The following TIMMDC1 variants were observed in gnomAD, a reference collection of about 807,000 sequenced individuals.
TIMMDC1 encodes the protein complex I assembly factor TIMMDC1, mitochondrial.
A neutral mutation model predicts 32.6 loss-of-function variants in TIMMDC1; 25 were observed. The observed-to-expected ratio is 0.77, with a 90% confidence interval of 0.56 to 1.07. The LOEUF (loss-of-function observed/expected upper bound fraction) is 1.07. Ranked by LOEUF, TIMMDC1 falls within the 50% of genes least tolerant of loss-of-function variation. The pLI is 0.00. For synonymous variants in TIMMDC1, 130 were observed against 127.6 expected, an observed-to-expected ratio of 1.02 and a Z score of -0.13; for missense variants, 329 against 349.2, an observed-to-expected ratio of 0.94 and a Z score of 0.46.
intron 1 of TIMMDC1, among the ~76,000 whole-genome samples, chr3:119,499,153 G>C (rs2081848884): frequency 6.8e-6 from 1 of 147,082 alleles, no homozygotes; most frequent in Admixed American, 6.8e-5. Context: ...GAGTGCTGTG[G>C]TGCTATCTCG....
At chr3:119,514,275 G>A (rs1288758288) in intron 5 of TIMMDC1, among the ~76,000 whole-genome samples, 1 of 152,102 alleles carries the variant, frequency 6.6e-6, no homozygotes, top group Non-Finnish European at 1.5e-5. Context: ...AGTTGTTAAC[G>A]CCTTGGTGAT....
chr3:119,498,652 T>G lies in TIMMDC1; in HGVS notation c.-82T>G, dbSNP rs994397031. Reference sequence around the variant, plus strand: ...GTCAAATGCACGGATTCTCACCTCGTACAGTTACGCTCTCCCGCGGCACGT... The same window carrying G: ...GTCAAATGCACGGATTCTCACCTCGGACAGTTACGCTCTCCCGCGGCACGT... On this transcript the variant is annotated 5_prime_UTR_variant, in exon 1 of 7. Coordinates refer to ENST00000494664, the MANE Select transcript of TIMMDC1 (RefSeq NM_016589.4). The G allele has an allele frequency of 1.4e-6, 2 of 1,392,306 alleles. No individual in the cohort carries two copies. The highest frequency in any genetic ancestry group is 2.0e-6 in the Non-Finnish European group (2 of 998,036). 86.2% of individuals were successfully genotyped at this position (1,392,306 alleles called of 1,614,324 possible).
chr3:119,503,436 C>T, intron 2 of TIMMDC1, 96 bp from the exon 3 acceptor site: 1 of 826,568 alleles, frequency 1.2e-6, no homozygotes. Flanking sequence ...TTGGGTGTAC[C>T]TGACTAATCC....
In TIMMDC1 at chr3:119,498,860, C is replaced by T. The variant is rs1577093681; in HGVS notation, c.127C>T (p.Pro43Ser). The change falls in exon 1 of 7, where the codon CCC (proline) becomes TCC (serine). Residue 43 changes from proline to serine, a missense_variant. By Grantham distance (74) the Pro-to-Ser change is moderately conservative (BLOSUM62 -1). Transcript: ENST00000494664. ...CCTTGAGGAGCGTCAGAAGCGGCTT[C>T]CCTACGTCCCAGAGCCCTATTACCC... is the stretch of plus-strand genomic sequence containing the variant. ...EVLEERQKRL[P>S]YVPEPYYPES... 6.2e-7 allele frequency: 1 copy of T among 1,614,188 alleles called. No individual in the cohort carries two copies.
At chr3:119,513,461 A>G (rs893682949) in intron 4 of TIMMDC1, among the ~76,000 whole-genome samples, 180 bp from the exon 5 acceptor site, 15 of 152,234 alleles carry the variant, frequency 9.9e-5, no homozygotes, top group African/African-American at 3.6e-4. Context: ...TTGAATCTGC[A>G]GAGTGGATGG....
At chr3:119,499,090 T>TC (rs1166763494) in intron 1 of TIMMDC1, 163 bp downstream of exon 1, 1 of 571,472 alleles carries the variant, frequency 1.7e-6, no homozygotes, top group African/African-American at 2.2e-5. Context: ...TCTTTTTTCT[T>TC]TCTTTTTTTT....
At chr3:119,507,225 G>C (rs1040763199) in intron 4 of TIMMDC1, among the ~76,000 whole-genome samples, 1 of 152,088 alleles carries the variant, frequency 6.6e-6, no homozygotes, top group African/African-American at 2.4e-5. Context: ...GATTTCTTTA[G>C]CTTTCTCTTC....
intron 2 of TIMMDC1, 56 bp from the exon 3 acceptor site, chr3:119,503,476 G>A: frequency 3.5e-6 from 5 of 1,414,744 alleles, no homozygotes; most frequent in Non-Finnish European, 3.8e-6. Context: ...CGCAGTTCTA[G>A]AATAAGGAAA....
intron 4 of TIMMDC1, among the ~76,000 whole-genome samples, chr3:119,511,815 C>T (rs1348104447): frequency 1.3e-5 from 2 of 152,136 alleles, no homozygotes; most frequent in Non-Finnish European, 2.9e-5. Context: ...TAGGGAAAAA[C>T]AACTTTTTTC....
In TIMMDC1 at chr3:119,501,908, A is replaced by G. The variant is rs527346659; in HGVS notation, c.360+1048A>G. On this transcript the variant is annotated intron_variant, in intron 2 of 6. Coordinates refer to ENST00000494664, the MANE Select transcript of TIMMDC1 (RefSeq NM_016589.4). ...GGTTTCTCATGACTGCATTCAGACT[A>G]TGTTTTTTGACAGGAATACCCTAGA... Among the ~76,000 whole-genome samples the G allele has an allele frequency of 4.2e-4, 64 of 152,262 alleles. No homozygotes were observed. In the South Asian group the frequency reaches 0.013, roughly 31 times the overall value.
chr3:119,518,638 A>T (rs2082002139), intron 6 of TIMMDC1, among the ~76,000 whole-genome samples: 1 of 152,136 alleles, frequency 6.6e-6, no homozygotes, highest in African/African-American at 2.4e-5. Context: ...TGATTTTGAG[A>T]TGGAAAAGCT....
At chr3:119,520,870 C>A (rs776878254) in intron 6 of TIMMDC1, among the ~76,000 whole-genome samples, 2 of 151,974 alleles carry the variant, frequency 1.3e-5, no homozygotes, top group African/African-American at 4.8e-5. Flanking sequence ...AAGAGTACAT[C>A]AAAAAGATTA....
At chr3:119,520,976 G>GA (rs1047901211) in intron 6 of TIMMDC1, among the ~76,000 whole-genome samples, 8 of 151,718 alleles carry the variant, frequency 5.3e-5, no homozygotes, top group African/African-American at 1.9e-4. Flanking sequence ...CAGAAGGAAG[G>GA]AAAAAAACCA....
Position 119,521,425 on chromosome 3 carries a change from T to G in TIMMDC1, c.708-2181T>G, listed in dbSNP as rs2082026140. Among the ~76,000 whole-genome samples, 4 of 152,296 alleles carry G rather than the reference T, an allele frequency of 2.6e-5. No homozygotes were observed. In the South Asian group the frequency reaches 8.3e-4, roughly 32 times the overall value. The stretch of plus-strand genomic sequence containing the variant: ...CAAAAATTGTCATGGTGCACACCTG[T>G]AATCCCAACTGCGTGGGAGGCTGAG... On this transcript the variant is annotated intron_variant, in intron 6 of 6. Coordinates refer to ENST00000494664, the MANE Select transcript of TIMMDC1 (RefSeq NM_016589.4).
At chr3:119,520,252 G>T (rs2082016661) in intron 6 of TIMMDC1, among the ~76,000 whole-genome samples, 1 of 151,774 alleles carries the variant, frequency 6.6e-6, no homozygotes, top group Non-Finnish European at 1.5e-5. Flanking sequence ...TAAATAAAAA[G>T]ATCAGAGCAG....
chr3:119,515,565 A>G (rs1235922829), intron 5 of TIMMDC1, among the ~76,000 whole-genome samples: 3 of 152,222 alleles, frequency 2.0e-5, no homozygotes, highest in African/African-American at 7.2e-5. Context: ...CATGGGCATA[A>G]TATATTCACA....
At chr3:119,505,014 G>A (rs1458359364) in intron 4 of TIMMDC1, among the ~76,000 whole-genome samples, 1 of 151,094 alleles carries the variant, frequency 6.6e-6, no homozygotes. Flanking sequence ...GGAGGCAGAG[G>A]TTGCAGTGAG....
intron 1 of TIMMDC1, chr3:119,500,441 A>G: frequency 2.7e-6 from 1 of 374,440 alleles, no homozygotes; most frequent in Non-Finnish European, 4.8e-6. Flanking sequence ...TAACATCCCA[A>G]AAGCTCCCCT....
At chr3:119,521,499 A>T (rs1404176832) in intron 6 of TIMMDC1, among the ~76,000 whole-genome samples, 1 of 152,174 alleles carries the variant, frequency 6.6e-6, no homozygotes, top group East Asian at 1.9e-4. Flanking sequence ...ATGAACCAAG[A>T]TGGTGCCACT....
Sources: gnomAD v4.1 joint callset for allele counts (sites outside exome capture counted in the v4.1 genomes callset) on GRCh38, gnomAD v4.1.1 for gene constraint, MANE v1.5 for transcripts, NCBI Gene and HGNC (gene_info 2026-07-23, HGNC 2026-07-21) for gene names.